Variants in RPS6KL1 observed in about 807,000 individuals in gnomAD.
RPS6KL1 encodes ribosomal protein S6 kinase-like 1.
Under a neutral mutation model 57.0 loss-of-function variants are expected in RPS6KL1, and 41 were observed. The ratio of observed to expected loss-of-function variants is 0.72; its 90% CI spans 0.56 to 0.93. The LOEUF is 0.93. Among genes scored for constraint, RPS6KL1 ranks in the 40% least tolerant of loss-of-function variants. RPS6KL1 has a pLI of 0.00. For synonymous variants in RPS6KL1, 287 were observed against 309.7 expected, an observed-to-expected ratio of 0.93 and a Z score of 0.77; for missense variants, 697 against 727.7, an observed-to-expected ratio of 0.96 and a Z score of 0.49.
chr14:74,913,106 G>A (rs1464636018), intron 5 of RPS6KL1, among the ~76,000 whole-genome samples: 1 of 152,250 alleles, frequency 6.6e-6, no homozygotes. Context: ...AGGCCAGGCT[G>A]CTGGGCAGTG....
At chr14:74,917,850 G>A (rs1021360552) in intron 5 of RPS6KL1, among the ~76,000 whole-genome samples, 1 of 152,172 alleles carries the variant, frequency 6.6e-6, no homozygotes, top group Non-Finnish European at 1.5e-5. Context: ...CGTCCCAGCC[G>A]CAGGAAGTCC....
intron 11 of RPS6KL1, 108 bp downstream of exon 11, chr14:74,907,327 C>T: frequency 4.0e-6 from 6 of 1,489,036 alleles, no homozygotes; most frequent in African/African-American, 1.4e-5. Context: ...TCTGCACCCA[C>T]ATCAGACACT....
At chr14:74,914,704 CTTCT>C (rs1676289090) in intron 5 of RPS6KL1, among the ~76,000 whole-genome samples, 2 of 152,052 alleles carry the variant, frequency 1.3e-5, no homozygotes, top group African/African-American at 4.8e-5. Flanking sequence ...AGTGCCTTGA[CTTCT>C]TTGTTTATTA....
At position 74,909,158 on chromosome 14, in the gene RPS6KL1, A is replaced by G. The variant is rs759658855; in HGVS notation, c.1303T>C (p.Ser435Pro). The G allele has an allele frequency of 6.2e-7, 1 of 1,614,060 alleles. No individual in the cohort carries two copies. Among genetic ancestry groups the G allele is most frequent in the African/African-American group, 1.3e-5 (1 of 74,924 alleles). Residue 435 changes from serine to proline, a missense_variant, in exon 9 of 12, where the codon TCA becomes CCA. Transcript: ENST00000557413. Reference protein sequence around the residue: ...HIRLTYFGQWSEVEPQCCGEA... With the variant: ...HIRLTYFGQWPEVEPQCCGEA... ...CCGCAGCACTGGGGCTCCACCTCTG[A>G]CCACTGGCCAAAATATGTGAGCCGG...
At position 74,918,538 on chromosome 14, in the gene RPS6KL1, C is replaced by G; in HGVS notation, c.458G>C (p.Cys153Ser). The change falls in exon 5 of 12, where the codon TGC (cysteine) becomes TCC (serine). Residue 153 changes from cysteine to serine, a missense_variant. Transcript: ENST00000557413. ...CTTCTCGATGACCCCGACCACCCTG[C>G]AGCCCCTCAGCTGCTCCACGGCAGA... The part of the protein sequence containing the change: ...LSSAVEQLRG[C>S]RVVGVIEKVQ... The G allele has an allele frequency of 6.5e-7, 1 of 1,534,126 alleles. No homozygotes were observed. The highest frequency in any genetic ancestry group is 8.7e-7 in the Non-Finnish European group (1 of 1,145,964).
chr14:74,908,840 A>G lies in RPS6KL1; in HGVS notation c.1443+10T>C. On this transcript the variant is annotated intron_variant, in intron 10 of 11. Transcript: ENST00000557413. ...CCCACCAGGGCACTACACCCAGCCC[A>G]GCCACTCACCATTCCCGTCAGCAGT... 1 of 1,613,406 alleles carries G rather than the reference A, an allele frequency of 6.2e-7. No homozygotes were observed. The highest frequency in any genetic ancestry group is 8.5e-7 in the Non-Finnish European group (1 of 1,179,332).
At chr14:74,920,810 G>A (rs1204579418) in intron 3 of RPS6KL1, among the ~76,000 whole-genome samples, 2 of 151,980 alleles carry the variant, frequency 1.3e-5, no homozygotes, top group Non-Finnish European at 2.9e-5. Context: ...CCACTAGAAT[G>A]CAAACTCCCA....
intron 5 of RPS6KL1, among the ~76,000 whole-genome samples, chr14:74,918,271 G>C (rs939308590): frequency 6.6e-6 from 1 of 151,908 alleles, no homozygotes; most frequent in African/African-American, 2.4e-5. Context: ...GCCTCTTCCC[G>C]TTCCCTGCAT....
intron 5 of RPS6KL1, among the ~76,000 whole-genome samples, chr14:74,913,844 G>GC (rs1886422161): frequency 6.6e-6 from 1 of 152,248 alleles, no homozygotes; most frequent in Non-Finnish European, 1.5e-5. Flanking sequence ...GCCCACCCTG[G>GC]CTGTAAAGTG....
At position 74,909,536 on chromosome 14, in the gene RPS6KL1, C is replaced by A. The variant is rs1275296854; in HGVS notation, c.1270+7G>T. 6.3e-7 allele frequency: 1 copy of A among 1,584,266 alleles called. No individual in the cohort carries two copies. The highest frequency in any genetic ancestry group is 8.6e-7 in the Non-Finnish European group (1 of 1,164,542). ...CCACCCCACTGAGGGGTGAGGAGGG[C>A]ACCTACCTGCCTGGTCCAGGAGCAG... On this transcript the variant is annotated splice_region_variant and intron_variant, in intron 8 of 11. Transcript: ENST00000557413.
chr14:74,906,835 G>T lies in RPS6KL1; in HGVS notation c.*179C>A. 1 of 743,840 alleles carries T rather than the reference G, an allele frequency of 1.3e-6. No individual in the cohort carries two copies. The allele number at this position is 743,840 out of a possible 1,614,324, so 46.1% of individuals were successfully genotyped here. On this transcript the variant is annotated 3_prime_UTR_variant, in exon 12 of 12. Coordinates refer to ENST00000557413, the MANE Select transcript of RPS6KL1 (RefSeq NM_031464.5). The stretch of plus-strand genomic sequence containing the variant: ...CCACCTCCAGCTTTTCCAGGAGCTG[G>T]CCCTTCCTGGGTGGTGGCCATAATT...
intron 10 of RPS6KL1, 137 bp from the exon 11 acceptor site, chr14:74,907,667 CAG>C: frequency 1.3e-6 from 1 of 796,680 alleles, no homozygotes; most frequent in South Asian, 1.8e-5. Flanking sequence ...CAGCCAGACA[CAG>C]TGCCTGATGG....
chr14:74,907,542 C>G lies in RPS6KL1; in HGVS notation c.1444-12G>C, dbSNP rs1047076148. On this transcript the variant is annotated splice_polypyrimidine_tract_variant and intron_variant, in intron 10 of 11. Transcript: ENST00000557413. ...CTCTGGGACAGTGCCTGGGAGGACA[C>G]AGGGAAGGGCCTCTGAGGAGGCAAC... is the stretch of plus-strand genomic sequence containing the variant. 6.4e-7 allele frequency: 1 copy of G among 1,561,206 alleles called. No homozygotes were observed. The highest frequency in any genetic ancestry group is 8.7e-7 in the Non-Finnish European group (1 of 1,151,984).
chr14:74,917,380 A>T (rs1887026423), intron 5 of RPS6KL1, among the ~76,000 whole-genome samples: 1 of 152,158 alleles, frequency 6.6e-6, no homozygotes, highest in Admixed American at 6.5e-5. Flanking sequence ...CTCAGGCAGC[A>T]TGTCATCCTC....
rs748325414 is a variant in RPS6KL1, at chr14:74,909,728, C to G, written c.1085G>C (p.Gly362Ala). 6.2e-7 allele frequency: 1 copy of G among 1,608,072 alleles called. No individual in the cohort carries two copies. Among genetic ancestry groups the G allele is most frequent in the African/African-American group, 1.3e-5 (1 of 75,060 alleles). ...TGCTGACAGGCAGCTCTGATCCATG[C>G]CTCGGCCACAGCCCCCTAGCACCGG... ...AGPVLGGCGRGMDQSCLSADG... is the reference protein window; with the variant it reads ...AGPVLGGCGRAMDQSCLSADG... Residue 362 changes from glycine to alanine, a missense_variant, in exon 8 of 12, where the codon GGC becomes GCC. Transcript: ENST00000557413.
At position 74,905,018 on chromosome 14, in the gene RPS6KL1, A is replaced by G. The variant is rs1884538469; in HGVS notation, c.*1996T>C. Reference sequence around the variant, plus strand: ...TAGAGCTCTAGTAGATAGAAAAACAAATTAGGTTGAATGAAAGGAAGAACA... The same window carrying G: ...TAGAGCTCTAGTAGATAGAAAAACAGATTAGGTTGAATGAAAGGAAGAACA... On this transcript the variant is annotated 3_prime_UTR_variant, in exon 12 of 12. Coordinates refer to ENST00000557413, the MANE Select transcript of RPS6KL1 (RefSeq NM_031464.5). The G allele has an allele frequency of 6.6e-6, 1 of 152,208 alleles. No individual in the cohort carries two copies. Among genetic ancestry groups the G allele is most frequent in the South Asian group, 2.1e-4 (1 of 4,832 alleles). The allele number at this position is 152,208 out of a possible 1,614,324, so 9.4% of individuals were successfully genotyped here. A position where few individuals can be genotyped will look rare whatever the true frequency, so the allele number is the denominator to read the frequency against.
chr14:74,921,238 T>TTCCCCCCCCC lies in RPS6KL1; in HGVS notation c.265+38_265+39insGGGGGGGGGA. The TTCCCCCCCCC allele has an allele frequency of 2.2e-4, 183 of 839,928 alleles. 1 individual carries two copies. The highest frequency in any genetic ancestry group is 7.8e-4 in the Middle Eastern group (3 of 3,844). 52.0% of individuals were successfully genotyped at this position (839,928 alleles called of 1,614,324 possible). On this transcript the variant is annotated intron_variant, in intron 3 of 11. Coordinates refer to ENST00000557413, the MANE Select transcript of RPS6KL1 (RefSeq NM_031464.5). ...ACAGGAAGAGCCCTGCACTGGCCCT[T>TTCCCCCCCCC]CCCCACCCACCCCAGCCCTGCCCAG...
chr14:74,913,283 G>A (rs1476507707), intron 5 of RPS6KL1, among the ~76,000 whole-genome samples: 1 of 152,140 alleles, frequency 6.6e-6, no homozygotes, highest in Non-Finnish European at 1.5e-5. Context: ...AGGGCCAGGT[G>A]TGGTGGCTTA....
rs193112001 is a variant in RPS6KL1 at position 74,905,304 on chromosome 14, C to G, written c.*1710G>C. On this transcript the variant is annotated 3_prime_UTR_variant, in exon 12 of 12. Coordinates refer to ENST00000557413, the MANE Select transcript of RPS6KL1 (RefSeq NM_031464.5). Reference sequence around the variant, plus strand: ...GAGTAGCAGAAGGAACACTAACTTGCAACTCTGGCTAGGTTGTGTCCTTAA... The same window carrying G: ...GAGTAGCAGAAGGAACACTAACTTGGAACTCTGGCTAGGTTGTGTCCTTAA... 19 of 152,192 alleles carry G rather than the reference C, an allele frequency of 1.2e-4. No homozygotes were observed. The highest frequency in any genetic ancestry group is 4.3e-4 in the African/African-American group (18 of 41,434). The allele number at this position is 152,192 out of a possible 1,614,324, so 9.4% of individuals were successfully genotyped here. A position where few individuals can be genotyped will look rare whatever the true frequency, so the allele number is the denominator to read the frequency against.
Sources: allele counts gnomAD v4.1 joint callset (sites outside exome capture counted in the v4.1 genomes callset), GRCh38; gene constraint gnomAD v4.1.1; transcripts MANE v1.5; gene names NCBI Gene and HGNC (gene_info 2026-07-23, HGNC 2026-07-21).